Variants in CACNA1A observed in about 807,000 individuals in gnomAD.
The protein encoded by CACNA1A is voltage-dependent P/Q-type calcium channel subunit alpha-1A.
In CACNA1A, 57 loss-of-function variants were observed where a neutral mutation model predicts 262.4. The observed-to-expected ratio is 0.22, with a 90% CI of 0.18 to 0.27. CACNA1A has a LOEUF of 0.27. CACNA1A is among the 10% of genes least tolerant of loss of function. The pLI, the probability that CACNA1A is intolerant of heterozygous loss-of-function variation, is 1.00. For synonymous variants in CACNA1A, 1,431 were observed against 1,419.3 expected, an observed-to-expected ratio of 1.01 and a Z score of -0.18; for missense variants, 2,526 against 3,562.8, an observed-to-expected ratio of 0.71 and a Z score of 7.41.
chr19:13,287,951 G>A (rs145488489), intron 19 of CACNA1A, among the ~76,000 whole-genome samples: 2 of 151,904 alleles, frequency 1.3e-5, no homozygotes, highest in East Asian at 3.9e-4. Context: ...ACAGGCTCAC[G>A]CCACCATGTC....
chr19:13,285,229 A>G (rs751086279), intron 20 of CACNA1A, 23 bp from the exon 21 acceptor site: 9 of 1,612,994 alleles, frequency 5.6e-6, no homozygotes, highest in African/African-American at 1.3e-5. Flanking sequence ...GAACCAACAC[A>G]GGGCTCCCTC....
Position 13,399,033 on chromosome 19 carries a change from T to G in CACNA1A, c.540-27254A>C, listed in dbSNP as rs550655569. ...GGAGGGCTTGAGCCTCTGTTTCTTGTCCTGACCTCAGACTAACTCTGCAGA... is the reference window on the plus strand; with the variant it reads ...GGAGGGCTTGAGCCTCTGTTTCTTGGCCTGACCTCAGACTAACTCTGCAGA... On this transcript the variant is annotated intron_variant, in intron 3 of 46. Transcript: ENST00000360228. 2.0e-5 allele frequency among the ~76,000 whole-genome samples: 3 copies of G among 152,262 alleles called. No individual in the cohort carries two copies. In the East Asian group the frequency reaches 5.8e-4, roughly 29 times the overall value.
At chr19:13,380,633 G>A (rs1253281652) in intron 3 of CACNA1A, among the ~76,000 whole-genome samples, 2 of 99,080 alleles carry the variant, frequency 2.0e-5, no homozygotes, top group African/African-American at 4.1e-5. Context: ...GTGACAGAGC[G>A]TGACTCTGTC....
At chr19:13,414,832 G>A (rs144339519) in intron 3 of CACNA1A, among the ~76,000 whole-genome samples, 3 of 152,114 alleles carry the variant, frequency 2.0e-5, no homozygotes, top group South Asian at 2.1e-4. Flanking sequence ...GTGTGGTGGC[G>A]TGTGCCTGTA....
chr19:13,235,386 G>T, intron 32 of CACNA1A, 112 bp from the exon 33 acceptor site: 2 of 1,048,952 alleles, frequency 1.9e-6, no homozygotes, highest in Non-Finnish European at 2.9e-6. Context: ...TATGCCACGT[G>T]CCAGAGTCCT....
chr19:13,239,003 G>A (rs552189963), intron 31 of CACNA1A, among the ~76,000 whole-genome samples: 1 of 152,150 alleles, frequency 6.6e-6, no homozygotes, highest in Admixed American at 6.6e-5. Context: ...CTCCTCCACT[G>A]TCATCTCTTG....
chr19:13,317,987 G>GA (rs140756143), intron 10 of CACNA1A, among the ~76,000 whole-genome samples: 10 of 151,454 alleles, frequency 6.6e-5, no homozygotes, highest in Non-Finnish European at 8.8e-5. Context: ...AGTGCTATGG[G>GA]AAAAAAAAAG....
At chr19:13,326,441 T>C (rs531936018) in intron 10 of CACNA1A, among the ~76,000 whole-genome samples, 27 of 152,330 alleles carry the variant, frequency 1.8e-4, no homozygotes, top group African/African-American at 5.8e-4. Context: ...ACCTGCTTTA[T>C]AGTGCGTTTA....
In CACNA1A at chr19:13,299,254, C is replaced by T; in HGVS notation, c.2379G>A (p.Leu793=). Residue 793 remains leucine (L), a synonymous_variant, in exon 19 of 47, where the codon CTG becomes CTA. Transcript: ENST00000360228. ...GCTCGTCCGGGTCCATTTCGTTATACAGGGCCTCCCGGCTGGCCAGCAAGT... is the reference window on the plus strand; with the variant it reads ...GCTCGTCCGGGTCCATTTCGTTATATAGGGCCTCCCGGCTGGCCAGCAAGT... ...KQNLLASREA[L]YNEMDPDERW... is the part of the protein sequence containing the mutation. The T allele has an allele frequency of 6.2e-7, 1 of 1,607,956 alleles. No individual in the cohort carries two copies. Among genetic ancestry groups the T allele is most frequent in the Non-Finnish European group, 8.5e-7 (1 of 1,179,840 alleles).
chr19:13,304,960 C>T (rs2144987655), intron 15 of CACNA1A, among the ~76,000 whole-genome samples: 1 of 152,304 alleles, frequency 6.6e-6, no homozygotes, highest in Middle Eastern at 3.4e-3. Context: ...GATGATTAAA[C>T]AAGCTACTAC....
intron 6 of CACNA1A, among the ~76,000 whole-genome samples, chr19:13,342,350 A>G (rs929440341): frequency 4.6e-5 from 7 of 152,142 alleles, no homozygotes; most frequent in Admixed American, 4.6e-4. Flanking sequence ...CCTGGTTCTC[A>G]TCTCTTCTTT....
chr19:13,400,284 G>A (rs145345156), intron 3 of CACNA1A, among the ~76,000 whole-genome samples: 179 of 152,074 alleles, frequency 1.2e-3, no homozygotes, highest in African/African-American at 4.1e-3. Context: ...CTGCACATTC[G>A]ACTTTTGACT....
At chr19:13,403,621 G>C (rs993949905) in intron 3 of CACNA1A, among the ~76,000 whole-genome samples, 2 of 152,140 alleles carry the variant, frequency 1.3e-5, no homozygotes, top group Non-Finnish European at 2.9e-5. Flanking sequence ...AGGCTCACAA[G>C]ATTGTGCTTG....
At chr19:13,343,458 T>G (rs2058709488) in intron 6 of CACNA1A, among the ~76,000 whole-genome samples, 1 of 151,976 alleles carries the variant, frequency 6.6e-6, no homozygotes, top group South Asian at 2.1e-4. Flanking sequence ...AACTTCTGAT[T>G]GACTCTTTTA....
At chr19:13,426,949 CT>C (rs2060412552) in intron 3 of CACNA1A, among the ~76,000 whole-genome samples, 1 of 152,192 alleles carries the variant, frequency 6.6e-6, no homozygotes, top group Admixed American at 6.5e-5. Context: ...TAGAATTTGT[CT>C]AAAAATGCCT....
rs2057373932 is a variant in CACNA1A, at chr19:13,285,202, G to A, written c.3558C>T (p.Asn1186=). ...PPLNHTVVQV[N]KNANPDPLPK... ...GCAGTGGGTCTGGGTTGGCGTTTTT[G>A]TTCACTGTTGGGACAAGAACCAACA... Residue 1186 remains asparagine (N), a synonymous_variant, in exon 21 of 47, where the codon AAC becomes AAT. Transcript: ENST00000360228. 6.2e-7 allele frequency: 1 copy of A among 1,612,934 alleles called. No individual in the cohort carries two copies. Among genetic ancestry groups the A allele is most frequent in the Admixed American group, 1.7e-5 (1 of 59,982 alleles).
intron 6 of CACNA1A, among the ~76,000 whole-genome samples, chr19:13,352,777 C>A (rs1056272154): frequency 6.6e-6 from 1 of 152,130 alleles, no homozygotes; most frequent in East Asian, 1.9e-4. Flanking sequence ...GGGAACCATG[C>A]ATCACTTCTT....
chr19:13,453,771 G>C (rs1423691821), intron 2 of CACNA1A, among the ~76,000 whole-genome samples: 1 of 151,954 alleles, frequency 6.6e-6, no homozygotes, highest in South Asian at 2.1e-4. Flanking sequence ...TTACAGCAAC[G>C]TTTCTCGAGC....
chr19:13,239,359 T>C (rs1256236772), intron 31 of CACNA1A, among the ~76,000 whole-genome samples: 2 of 152,222 alleles, frequency 1.3e-5, no homozygotes, highest in Non-Finnish European at 2.9e-5. Context: ...GAATGCTCTG[T>C]GCATCTCTCT....
Sources: allele counts gnomAD v4.1 joint callset (sites outside exome capture counted in the v4.1 genomes callset), GRCh38; gene constraint gnomAD v4.1.1; transcripts MANE v1.5; gene names NCBI Gene and HGNC (gene_info 2026-07-23, HGNC 2026-07-21).